Variants in CDH6 observed in about 807,000 individuals in gnomAD.
CDH6 encodes cadherin 6.
CDH6 carries 31 observed loss-of-function variants against 78.0 expected under a neutral mutation model. The ratio of observed to expected loss-of-function variants is 0.40; its 90% CI spans 0.30 to 0.54. The LOEUF is 0.54. Ranked by LOEUF, CDH6 falls within the 20% of genes least tolerant of loss-of-function variation. The pLI is 0.56. For synonymous variants in CDH6, 376 were observed against 368.8 expected, an observed-to-expected ratio of 1.02 and a Z score of -0.23; for missense variants, 724 against 975.9, an observed-to-expected ratio of 0.74 and a Z score of 3.44.
intron 1 of CDH6, among the ~76,000 whole-genome samples, chr5:31,256,773 C>G (rs1187704480): frequency 6.6e-6 from 1 of 152,190 alleles, no homozygotes; most frequent in African/African-American, 2.4e-5. Context: ...GCCAATGTCT[C>G]ATAGCTAATA....
intron 1 of CDH6, among the ~76,000 whole-genome samples, chr5:31,232,315 C>T (rs1057193110): frequency 6.6e-6 from 1 of 152,186 alleles, no homozygotes; most frequent in South Asian, 2.1e-4. Flanking sequence ...AAATAATTAT[C>T]AGTTTTACTA....
chr5:31,260,388 T>C (rs936226600), intron 1 of CDH6, among the ~76,000 whole-genome samples: 1 of 152,200 alleles, frequency 6.6e-6, no homozygotes, highest in African/African-American at 2.4e-5. Flanking sequence ...AATAGTTTAG[T>C]AGTTCTCACA....
chr5:31,222,233 T>C (rs920263206), intron 1 of CDH6, among the ~76,000 whole-genome samples: 2 of 152,212 alleles, frequency 1.3e-5, no homozygotes, highest in African/African-American at 4.8e-5. Flanking sequence ...TGATACATAA[T>C]GACAAAACTC....
At chr5:31,304,398 C>T (rs1737916778) in intron 6 of CDH6, among the ~76,000 whole-genome samples, 2 of 152,136 alleles carry the variant, frequency 1.3e-5, no homozygotes, top group South Asian at 2.1e-4. Flanking sequence ...CAATTAAAGC[C>T]AGATATGGCC....
intron 1 of CDH6, among the ~76,000 whole-genome samples, chr5:31,211,140 A>T (rs1740694935): frequency 6.6e-6 from 1 of 151,924 alleles, no homozygotes; most frequent in African/African-American, 2.4e-5. Context: ...ACTGTCCAAA[A>T]GGAAAACATT....
At chr5:31,207,382 G>A (rs1158973632) in intron 1 of CDH6, among the ~76,000 whole-genome samples, 1 of 152,098 alleles carries the variant, frequency 6.6e-6, no homozygotes, top group Non-Finnish European at 1.5e-5. Context: ...ATCTTCACCT[G>A]GCCAAATCTT....
In CDH6 at chr5:31,316,340, T is replaced by G. The variant is rs185000990; in HGVS notation, c.1512+11T>G. 1.9e-6 allele frequency: 3 copies of G among 1,603,456 alleles called. No individual in the cohort carries two copies. The highest frequency in any genetic ancestry group is 3.5e-5 in the Admixed American group (2 of 57,538). On this transcript the variant is annotated intron_variant, in intron 9 of 11. Coordinates refer to ENST00000265071, the MANE Select transcript of CDH6 (RefSeq NM_004932.4). ...GCAAAGGCAGATCAGGTGAGTTTCA[T>G]TAAAAAGTATATTCAAGTTGAACAT... is the stretch of plus-strand genomic sequence containing the variant.
chr5:31,199,942 G>A lies in CDH6; in HGVS notation c.-129+6056G>A, dbSNP rs59696975. On this transcript the variant is annotated intron_variant, in intron 1 of 11. Coordinates refer to ENST00000265071, the MANE Select transcript of CDH6 (RefSeq NM_004932.4). ...GCCCTTTTTTGGTTTGAATTTCCAG[G>A]GAATCTCTGTTTGAGCCAAGCACTT... Among the ~76,000 whole-genome samples the A allele has an allele frequency of 8.3e-3, 1,259 of 151,586 alleles. 21 individuals carry two copies. Among genetic ancestry groups the A allele is most frequent in the African/African-American group, 0.029 (1,195 of 41,326 alleles).
rs1258025728 is a variant in CDH6 at position 31,302,153 on chromosome 5, C to A, written c.854C>A (p.Thr285Lys). The change falls in exon 6 of 12, where the codon ACA (threonine) becomes AAA (lysine). Residue 285 changes from threonine to lysine, a missense_variant. Coordinates refer to ENST00000265071, the MANE Select transcript of CDH6 (RefSeq NM_004932.4). ...FKTPESSPPG[T>K]PIGRIKASDA... The stretch of plus-strand genomic sequence containing the variant: ...ACTCCTGAATCTTCTCCACCGGGGA[C>A]ACCAATTGGCAGAATCAAAGCCAGC... 6.2e-7 allele frequency: 1 copy of A among 1,613,944 alleles called. No homozygotes were observed.
intron 1 of CDH6, among the ~76,000 whole-genome samples, chr5:31,253,414 C>T (rs1295206726): frequency 6.6e-6 from 1 of 152,190 alleles, no homozygotes; most frequent in African/African-American, 2.4e-5. Flanking sequence ...CCCCTTCCTC[C>T]ATGATTGTAA....
chr5:31,261,413 T>C (rs903730364), intron 1 of CDH6, among the ~76,000 whole-genome samples: 2 of 152,328 alleles, frequency 1.3e-5, no homozygotes, highest in African/African-American at 4.8e-5. Flanking sequence ...ATTTATGGGT[T>C]AGGAAGAGTT....
At chr5:31,220,500 G>A (rs1322744583) in intron 1 of CDH6, among the ~76,000 whole-genome samples, 1 of 151,968 alleles carries the variant, frequency 6.6e-6, no homozygotes, top group Non-Finnish European at 1.5e-5. Flanking sequence ...TCATTATGAG[G>A]CATTGCTAAG....
chr5:31,286,251 C>T (rs1287858138), intron 2 of CDH6, among the ~76,000 whole-genome samples: 2 of 152,182 alleles, frequency 1.3e-5, no homozygotes, highest in African/African-American at 4.8e-5. Flanking sequence ...TGCAATCTAG[C>T]TTGGAAAACA....
At chr5:31,233,343 CAAA>C (rs5867063) in intron 1 of CDH6, among the ~76,000 whole-genome samples, 5 of 141,894 alleles carry the variant, frequency 3.5e-5, no homozygotes, top group African/African-American at 5.3e-5. Flanking sequence ...CCCGTCTCTA[CAAA>C]AAAAAAAAAA....
chr5:31,245,782 C>G (rs1440568689), intron 1 of CDH6, among the ~76,000 whole-genome samples: 1 of 151,982 alleles, frequency 6.6e-6, no homozygotes, highest in African/African-American at 2.4e-5. Context: ...AAAAGTTATC[C>G]ACAAATTTCT....
chr5:31,299,912 T>G (rs1474464546), intron 5 of CDH6, among the ~76,000 whole-genome samples: 1 of 152,230 alleles, frequency 6.6e-6, no homozygotes, highest in Non-Finnish European at 1.5e-5. Flanking sequence ...GACATAAATC[T>G]GCTCATGCAG....
chr5:31,198,485 T>C (rs1032309576), intron 1 of CDH6, among the ~76,000 whole-genome samples: 1 of 152,170 alleles, frequency 6.6e-6, no homozygotes, highest in Non-Finnish European at 1.5e-5. Flanking sequence ...CACATAAAGC[T>C]AGCATACCAC....
At chr5:31,238,421 A>C (rs2111869651) in intron 1 of CDH6, among the ~76,000 whole-genome samples, 1 of 152,104 alleles carries the variant, frequency 6.6e-6, no homozygotes, top group African/African-American at 2.4e-5. Flanking sequence ...AGACCCTCTC[A>C]CTCCAAACTG....
intron 1 of CDH6, among the ~76,000 whole-genome samples, chr5:31,195,010 A>G (rs560822636): frequency 6.6e-6 from 1 of 152,164 alleles, no homozygotes; most frequent in African/African-American, 2.4e-5. Flanking sequence ...TGAGTTAACT[A>G]TGACTCAGAA....
Sources: gnomAD v4.1 joint callset for allele counts (sites outside exome capture counted in the v4.1 genomes callset) on GRCh38, gnomAD v4.1.1 for gene constraint, MANE v1.5 for transcripts, NCBI Gene and HGNC (gene_info 2026-07-23, HGNC 2026-07-21) for gene names.